LPAR3: variants seen among roughly 807,000 people sequenced by gnomAD.
LPAR3 encodes LPA receptor 3.
LPAR3 carries 7 observed loss-of-function variants against 17.8 expected under a neutral mutation model. The observed-to-expected ratio is 0.39, with a 90% CI of 0.22 to 0.74. The LOEUF (loss-of-function observed/expected upper bound fraction) is 0.74. LPAR3 is among the 30% of genes least tolerant of loss of function. The pLI, the probability that LPAR3 is intolerant of heterozygous loss-of-function variation, is 0.40. For missense variants in LPAR3, 391 were observed against 453.4 expected, an observed-to-expected ratio of 0.86 and a Z score of 1.25; for synonymous variants, 179 against 179.9, an observed-to-expected ratio of 0.99 and a Z score of 0.04.
intron 2 of LPAR3, among the ~76,000 whole-genome samples, chr1:84,833,430 A>G (rs1369573998): frequency 6.6e-6 from 1 of 152,146 alleles, no homozygotes; most frequent in Non-Finnish European, 1.5e-5. Flanking sequence ...GAGACAATAA[A>G]TCCCCCTCCT....
intron 2 of LPAR3, among the ~76,000 whole-genome samples, chr1:84,855,834 G>A (rs1039542470): frequency 1.3e-5 from 2 of 152,162 alleles, no homozygotes; most frequent in African/African-American, 4.8e-5. Context: ...CAGACTTGAG[G>A]TAACAAATGG....
intron 1 of LPAR3, among the ~76,000 whole-genome samples, chr1:84,883,501 T>C (rs10493758): frequency 0.55 from 83,834 of 152,130 alleles, 24,285 homozygotes; most frequent in East Asian, 0.85. Flanking sequence ...TATGTTACCA[T>C]ACTTCCTCTA....
At chr1:84,856,114 G>A (rs1659815636) in intron 2 of LPAR3, among the ~76,000 whole-genome samples, 1 of 152,160 alleles carries the variant, frequency 6.6e-6, no homozygotes, top group Non-Finnish European at 1.5e-5. Context: ...TTGACGGCCT[G>A]CCCTGAAAAC....
intron 2 of LPAR3, among the ~76,000 whole-genome samples, chr1:84,839,260 G>A (rs1659462270): frequency 6.6e-6 from 1 of 152,184 alleles, no homozygotes; most frequent in Non-Finnish European, 1.5e-5. Flanking sequence ...TTAGAATTAT[G>A]TGTTTTCATA....
Position 84,882,439 on chromosome 1 carries a change from A to T in LPAR3, c.-19+10577T>A, listed in dbSNP as rs1570907476. The stretch of plus-strand genomic sequence containing the variant: ...CAAAGCAATCTATAGATTCAATGCA[A>T]TCCCTACAAAAATCTGAATGGCATT... On this transcript the variant is annotated intron_variant, in intron 1 of 2. Transcript: ENST00000370611. Among the ~76,000 whole-genome samples the T allele has an allele frequency of 2.0e-5, 3 of 152,330 alleles. No homozygotes were observed. In the East Asian group the frequency reaches 5.8e-4, roughly 29 times the overall value.
chr1:84,849,185 G>A (rs895294219), intron 2 of LPAR3, among the ~76,000 whole-genome samples: 1 of 151,942 alleles, frequency 6.6e-6, no homozygotes, highest in Non-Finnish European at 1.5e-5. Context: ...GACCATCCTG[G>A]CCAACATGGT....
intron 2 of LPAR3, among the ~76,000 whole-genome samples, chr1:84,840,149 C>T (rs1432556098): frequency 2.0e-5 from 3 of 152,148 alleles, no homozygotes; most frequent in Non-Finnish European, 4.4e-5. Context: ...GTTTCAAACT[C>T]CTGGGCTCAG....
chr1:84,817,041 T>G (rs754565756), intron 2 of LPAR3, among the ~76,000 whole-genome samples: 18 of 152,208 alleles, frequency 1.2e-4, no homozygotes, highest in Non-Finnish European at 2.5e-4. Flanking sequence ...AGTTCCCAGA[T>G]GCGTACCTCT....
At chr1:84,828,542 C>T (rs1464128346) in intron 2 of LPAR3, among the ~76,000 whole-genome samples, 1 of 152,110 alleles carries the variant, frequency 6.6e-6, no homozygotes, top group Non-Finnish European at 1.5e-5. Context: ...GCACAGTGCT[C>T]AATCCCAAGA....
intron 1 of LPAR3, among the ~76,000 whole-genome samples, chr1:84,870,984 CT>C (rs796895842): frequency 2.6e-5 from 4 of 151,494 alleles, no homozygotes; most frequent in African/African-American, 7.3e-5. Flanking sequence ...AGCCTTTGGC[CT>C]TTTTTTTTCT....
At chr1:84,856,307 T>C (rs1234213419) in intron 2 of LPAR3, among the ~76,000 whole-genome samples, 1 of 152,238 alleles carries the variant, frequency 6.6e-6, no homozygotes, top group South Asian at 2.1e-4. Context: ...CCTTCTGATA[T>C]GACTCTCTGC....
At chr1:84,842,661 T>C (rs1659525236) in intron 2 of LPAR3, among the ~76,000 whole-genome samples, 1 of 152,246 alleles carries the variant, frequency 6.6e-6, no homozygotes, top group Non-Finnish European at 1.5e-5. Context: ...TCTGCTAAAG[T>C]ACTTACAAGT....
rs7517223 is a variant in LPAR3 at position 84,893,151 on chromosome 1, G to T, written c.-154C>A. The T allele has an allele frequency of 0.31, 47,503 of 151,972 alleles. 7,805 individuals are homozygous for T. Among genetic ancestry groups the T allele is most frequent in the East Asian group, 0.46 (2,326 of 5,108 alleles). 9.4% of individuals were successfully genotyped at this position (151,972 alleles called of 1,614,324 possible). A position where few individuals can be genotyped will look rare whatever the true frequency, so the allele number is the denominator to read the frequency against. On this transcript the variant is annotated 5_prime_UTR_variant, in exon 1 of 3. Coordinates refer to ENST00000370611, the MANE Select transcript of LPAR3 (RefSeq NM_012152.3). ...GCGGAGAAGCAGCGGAGGACGCGGC[G>T]GGCGGGCGGAGCGCCTCCTCTCCAG...
intron 1 of LPAR3, among the ~76,000 whole-genome samples, chr1:84,875,113 T>G (rs1388820965): frequency 6.6e-6 from 1 of 152,170 alleles, no homozygotes; most frequent in East Asian, 1.9e-4. Flanking sequence ...TTGGCCAGGC[T>G]GGTCTCAAAC....
chr1:84,888,983 G>A (rs1270863566), intron 1 of LPAR3, among the ~76,000 whole-genome samples: 2 of 152,168 alleles, frequency 1.3e-5, no homozygotes, highest in Non-Finnish European at 2.9e-5. Context: ...AGCCTGAGGT[G>A]TACAAATGAT....
At chr1:84,889,536 C>CTTTGGAG (rs1660516780) in intron 1 of LPAR3, among the ~76,000 whole-genome samples, 1 of 152,218 alleles carries the variant, frequency 6.6e-6, no homozygotes, top group Admixed American at 6.5e-5. Flanking sequence ...TTCTTTGGAA[C>CTTTGGAG]TTTGCCCTAT....
chr1:84,870,335 C>A (rs894920884), intron 1 of LPAR3, among the ~76,000 whole-genome samples: 3 of 152,238 alleles, frequency 2.0e-5, no homozygotes, highest in African/African-American at 7.2e-5. Flanking sequence ...CCATCTCCCA[C>A]CCCTAGACCG....
At chr1:84,890,053 C>G (rs1463742695) in intron 1 of LPAR3, among the ~76,000 whole-genome samples, 3 of 152,226 alleles carry the variant, frequency 2.0e-5, no homozygotes, top group Non-Finnish European at 2.9e-5. Flanking sequence ...TGTAAAAGCA[C>G]AAAGTCTCTG....
intron 1 of LPAR3, among the ~76,000 whole-genome samples, chr1:84,870,176 C>T (rs1660132541): frequency 1.3e-5 from 2 of 152,224 alleles, no homozygotes; most frequent in Admixed American, 6.5e-5. Flanking sequence ...CAGTCCTAGT[C>T]TCAATGTCCC....
Sources: allele counts gnomAD v4.1 joint callset (sites outside exome capture counted in the v4.1 genomes callset), GRCh38; gene constraint gnomAD v4.1.1; transcripts MANE v1.5; gene names NCBI Gene and HGNC (gene_info 2026-07-23, HGNC 2026-07-21).